The following EXOC4 variants were observed in gnomAD, a reference collection of about 807,000 sequenced individuals.
EXOC4 encodes exocyst complex component 4, also known as SEC8-like 1.
EXOC4 carries 71 observed loss-of-function variants against 107.2 expected under a neutral mutation model. The observed-to-expected ratio is 0.66, with a 90% CI of 0.55 to 0.81. The LOEUF is 0.81. EXOC4 is among the 30% of genes least tolerant of loss of function. The pLI is 0.00. For synonymous variants in EXOC4, 456 were observed against 441.2 expected (o/e 1.03, Z -0.42); for missense variants, 1,108 against 1,189.6 (o/e 0.93, Z 1.01).
chr7:134,021,934 A>G (rs1795040465), intron 17 of EXOC4, among the ~76,000 whole-genome samples: 1 of 151,780 alleles, frequency 6.6e-6, no homozygotes, highest in African/African-American at 2.4e-5. Flanking sequence ...GGAGGGAGGG[A>G]GAGGTTGGGG....
At chr7:133,567,375 T>C (rs1800927967) in intron 9 of EXOC4, among the ~76,000 whole-genome samples, 1 of 152,106 alleles carries the variant, frequency 6.6e-6, no homozygotes, top group African/African-American at 2.4e-5. Flanking sequence ...TTCTTTGTTA[T>C]GGCAAGAGTA....
At chr7:133,585,090 A>G (rs1801370808) in intron 9 of EXOC4, among the ~76,000 whole-genome samples, 1 of 152,096 alleles carries the variant, frequency 6.6e-6, no homozygotes, top group Non-Finnish European at 1.5e-5. Context: ...AATTTTCCTG[A>G]ATTTTTATGT....
intron 14 of EXOC4, among the ~76,000 whole-genome samples, chr7:133,964,837 A>G (rs1331652613): frequency 6.6e-6 from 1 of 152,212 alleles, no homozygotes; most frequent in East Asian, 1.9e-4. Context: ...TCCTTTGGAT[A>G]TCTACCCAGT....
At chr7:133,551,912 A>G (rs1386128604) in intron 9 of EXOC4, among the ~76,000 whole-genome samples, 1 of 152,202 alleles carries the variant, frequency 6.6e-6, no homozygotes. Flanking sequence ...CCTCATTAAC[A>G]GCAGGGAACA....
At chr7:133,770,627 C>T (rs1040396045) in intron 10 of EXOC4, among the ~76,000 whole-genome samples, 7 of 151,828 alleles carry the variant, frequency 4.6e-5, no homozygotes, top group Admixed American at 3.9e-4. Flanking sequence ...ATGTATATGT[C>T]CCGACCTTGA....
intron 5 of EXOC4, among the ~76,000 whole-genome samples, chr7:133,334,823 G>A (rs1360830289): frequency 6.6e-6 from 1 of 151,930 alleles, no homozygotes; most frequent in African/African-American, 2.4e-5. Flanking sequence ...AACATGTGTT[G>A]TTTGATTTTC....
At chr7:134,007,632 T>C (rs1303165108) in intron 16 of EXOC4, 44 bp from the exon 17 acceptor site, 1 of 1,526,328 alleles carries the variant, frequency 6.6e-7, no homozygotes, top group African/African-American at 1.4e-5. Flanking sequence ...ATGCCTCTAA[T>C]CTGTCATCCG....
Position 133,288,967 on chromosome 7 carries a change from C to T in EXOC4, c.322C>T (p.Arg108Trp), listed in dbSNP as rs550387931. Residue 108 changes from arginine (R) to tryptophan (W), a missense_variant, in exon 3 of 18, where the codon CGG (arginine) becomes TGG (tryptophan). Physicochemically the swap from Arg to Trp is moderately radical, Grantham distance 101 (BLOSUM62 -3). Coordinates refer to ENST00000253861, the MANE Select transcript of EXOC4 (RefSeq NM_021807.4). ...ATGCAAGATGCTGCTGCACTGCAAA[C>T]GGGATGAGCTTCGGAAACTGTGGAT... Reference protein sequence around the residue: ...LSCKMLLHCKRDELRKLWIEG... With the variant: ...LSCKMLLHCKWDELRKLWIEG... The T allele has an allele frequency of 6.8e-6, 11 of 1,614,130 alleles. No individual in the cohort carries two copies. The highest frequency in any genetic ancestry group is 4.4e-5 in the South Asian group (4 of 91,076).
At chr7:133,810,779 C>T (rs576846368) in intron 10 of EXOC4, among the ~76,000 whole-genome samples, 92 of 152,056 alleles carry the variant, frequency 6.1e-4, no homozygotes, top group Middle Eastern at 3.4e-3. Context: ...TACAGGCACC[C>T]GCCACCATGC....
chr7:133,804,129 A>G (rs887779408), intron 10 of EXOC4, among the ~76,000 whole-genome samples: 18 of 152,182 alleles, frequency 1.2e-4, no homozygotes, highest in Admixed American at 5.9e-4. Flanking sequence ...AGAACTTTGA[A>G]CCACTGTAGA....
chr7:133,426,530 C>T (rs1350965734), intron 7 of EXOC4, among the ~76,000 whole-genome samples: 1 of 152,172 alleles, frequency 6.6e-6, no homozygotes, highest in Non-Finnish European at 1.5e-5. Flanking sequence ...TTACATGGCT[C>T]AATTTTCTGC....
intron 17 of EXOC4, among the ~76,000 whole-genome samples, chr7:134,030,699 G>A (rs903071192): frequency 1.0e-3 from 13 of 12,806 alleles, no homozygotes; most frequent in Non-Finnish European, 1.5e-3. Flanking sequence ...TCACCCCCCC[G>A]CCCCGAGTAG....
chr7:133,991,252 T>C (rs777080651), intron 14 of EXOC4, among the ~76,000 whole-genome samples: 7 of 152,218 alleles, frequency 4.6e-5, no homozygotes, highest in Non-Finnish European at 1.0e-4. Context: ...TTTGCCTATT[T>C]TTATAGTCAG....
intron 14 of EXOC4, among the ~76,000 whole-genome samples, chr7:133,965,854 C>G (rs905165706): frequency 1.3e-5 from 2 of 152,070 alleles, no homozygotes; most frequent in Non-Finnish European, 2.9e-5. Flanking sequence ...TTTTCTAATT[C>G]CATGAAGAAA....
At chr7:133,829,693 A>T (rs1797770289) in intron 11 of EXOC4, among the ~76,000 whole-genome samples, 1 of 152,190 alleles carries the variant, frequency 6.6e-6, no homozygotes, top group African/African-American at 2.4e-5. Context: ...AATGGGGTTC[A>T]TCCTCACCTC....
chr7:133,870,261 T>C (rs138350069), intron 11 of EXOC4, among the ~76,000 whole-genome samples: 1 of 152,314 alleles, frequency 6.6e-6, no homozygotes, highest in African/African-American at 2.4e-5. Flanking sequence ...CCTCCATTTG[T>C]ACTCAAGTGA....
chr7:133,612,484 A>C (rs1802094640), intron 9 of EXOC4, among the ~76,000 whole-genome samples: 1 of 151,804 alleles, frequency 6.6e-6, no homozygotes, highest in Admixed American at 6.6e-5. Context: ...TTGACAGCAG[A>C]GGGAACAAGA....
chr7:133,737,549 A>C (rs1240246724), intron 10 of EXOC4, among the ~76,000 whole-genome samples: 1 of 152,060 alleles, frequency 6.6e-6, no homozygotes, highest in Non-Finnish European at 1.5e-5. Context: ...CAAATTCAGT[A>C]TAGAACTGGT....
chr7:133,936,392 G>C (rs1402522475), intron 13 of EXOC4, among the ~76,000 whole-genome samples: 1 of 152,220 alleles, frequency 6.6e-6, no homozygotes, highest in Non-Finnish European at 1.5e-5. Flanking sequence ...AAACACCTAT[G>C]TGTCAATTAA....
Sources: allele counts gnomAD v4.1 joint callset (sites outside exome capture counted in the v4.1 genomes callset), GRCh38; gene constraint gnomAD v4.1.1; transcripts MANE v1.5; gene names NCBI Gene and HGNC (gene_info 2026-07-23, HGNC 2026-07-21).